LEPR: variants seen among roughly 807,000 people sequenced by gnomAD.
The protein encoded by LEPR is leptin receptor.
Under a neutral mutation model 114.7 loss-of-function variants are expected in LEPR, and 56 were observed. The observed-to-expected ratio is 0.49, with a 90% CI of 0.39 to 0.61. The LOEUF (loss-of-function observed/expected upper bound fraction) is 0.61, where lower values mean the gene tolerates loss of function less well. Ranked by LOEUF, LEPR falls within the 20% of genes least tolerant of loss-of-function variation. The pLI is 0.00. For missense variants in LEPR, 1,202 were observed against 1,352.9 expected, an observed-to-expected ratio of 0.89 and a Z score of 1.75; for synonymous variants, 443 against 461.4, an observed-to-expected ratio of 0.96 and a Z score of 0.51.
At chr1:65,455,162 G>A (rs1646850534) in intron 2 of LEPR, among the ~76,000 whole-genome samples, 1 of 152,070 alleles carries the variant, frequency 6.6e-6, no homozygotes, top group Admixed American at 6.5e-5. Context: ...CTCTGTATTG[G>A]TTATTCTAGT....
At chr1:65,631,255 A>G (rs891084097) in intron 19 of LEPR, among the ~76,000 whole-genome samples, 6 of 152,134 alleles carry the variant, frequency 3.9e-5, no homozygotes, top group African/African-American at 1.4e-4. Flanking sequence ...AGGCTCTTCC[A>G]TGTTCAGCAG....
chr1:65,547,878 T>A (rs565990396), intron 2 of LEPR, among the ~76,000 whole-genome samples: 1 of 129,610 alleles, frequency 7.7e-6, no homozygotes, highest in East Asian at 1.9e-4. Context: ...CTTGCTTTTC[T>A]AGTTCTTTTA....
Position 65,601,613 on chromosome 1 carries a change from AC to A in LEPR, c.1218del (p.Tyr407MetfsTer21). 6.2e-7 allele frequency: 1 copy of A among 1,613,764 alleles called. No individual in the cohort carries two copies. Among genetic ancestry groups the A allele is most frequent in the Non-Finnish European group, 8.5e-7 (1 of 1,179,764 alleles). On this transcript the variant is annotated frameshift_variant, in exon 9 of 20. Transcript: ENST00000349533. LOFTEE classifies it high-confidence loss of function. ...LNETKPRGKF[T>X]YDAVYCCNEH... ...TGAAACCAAACCTCGAGGAAAGTTTACCTATGATGCAGTGTACTGCTGCAAT... is the reference window on the plus strand; with the variant it reads ...TGAAACCAAACCTCGAGGAAAGTTTACTATGATGCAGTGTACTGCTGCAAT...
At chr1:65,607,883 A>G (rs901846105) in intron 11 of LEPR, among the ~76,000 whole-genome samples, 14 of 152,186 alleles carry the variant, frequency 9.2e-5, no homozygotes, top group African/African-American at 3.4e-4. Flanking sequence ...AGGGAAGATA[A>G]CCTTTTTCTT....
At chr1:65,429,858 A>G in intron 2 of LEPR, 1 of 1,459,478 alleles carries the variant, frequency 6.9e-7, no homozygotes, top group Non-Finnish European at 9.2e-7. Context: ...GGTCCAACTG[A>G]CAGCGTTTAC....
chr1:65,611,894 C>T (rs1570814240), intron 14 of LEPR, among the ~76,000 whole-genome samples: 1 of 152,226 alleles, frequency 6.6e-6, no homozygotes, highest in East Asian at 1.9e-4. Flanking sequence ...CTGCAAGTGG[C>T]CAGTGGCTAT....
At chr1:65,467,013 C>T (rs1233619343) in intron 2 of LEPR, among the ~76,000 whole-genome samples, 1 of 152,148 alleles carries the variant, frequency 6.6e-6, no homozygotes, top group African/African-American at 2.4e-5. Flanking sequence ...TATTACCGAC[C>T]TTCTGAAGCC....
rs544264844 is a variant in LEPR at position 65,582,050 on chromosome 1, C to T, written c.494+9601C>T. On this transcript the variant is annotated intron_variant, in intron 5 of 19. Coordinates refer to ENST00000349533, the MANE Select transcript of LEPR (RefSeq NM_002303.6). Reference sequence around the variant, plus strand: ...CTTCACCATGCTTCTCCAAATCCTTCTAGCCTCTGTCTGTCCGCTGGTTCC... The same window carrying T: ...CTTCACCATGCTTCTCCAAATCCTTTTAGCCTCTGTCTGTCCGCTGGTTCC... Among the ~76,000 whole-genome samples the T allele has an allele frequency of 4.9e-4, 75 of 152,344 alleles. 2 individuals are homozygous for T. The highest frequency in any genetic ancestry group is 3.4e-3 in the Middle Eastern group (1 of 294).
In LEPR at chr1:65,633,102, G is replaced by T; in HGVS notation, c.2674-3089G>T. ...TGAAATCTTTTATCTTTTTCTTTGT[G>T]AGTGATTTTTTATTTTGCTTTCTTA... On this transcript the variant is annotated intron_variant, in intron 19 of 19. Coordinates refer to ENST00000349533, the MANE Select transcript of LEPR (RefSeq NM_002303.6). The surrounding 1 kb of genome is among the most constrained non-coding windows in gnomAD (Gnocchi z 4.1). 2 of 1,231,388 alleles carry T rather than the reference G, an allele frequency of 1.6e-6. No homozygotes were observed. The highest frequency in any genetic ancestry group is 1.2e-6 in the Non-Finnish European group (1 of 841,702). The allele number at this position is 1,231,388 out of a possible 1,614,324, so 76.3% of individuals were successfully genotyped here. A position where few individuals can be genotyped will look rare whatever the true frequency, so the allele number is the denominator to read the frequency against.
chr1:65,640,500 T>C lies in LEPR; in HGVS notation c.*3485T>C, dbSNP rs1030679692. 4.6e-5 allele frequency: 7 copies of C among 152,174 alleles called. No homozygotes were observed. The highest frequency in any genetic ancestry group is 7.2e-5 in the African/African-American group (3 of 41,438). The allele number at this position is 152,174 out of a possible 1,614,324, so 9.4% of individuals were successfully genotyped here. Reference sequence around the variant, plus strand: ...TCTACTATGACTGAAAGAAGCAGCATTCAAGAAAAAATTTAAACATAGTTA... The same window carrying C: ...TCTACTATGACTGAAAGAAGCAGCACTCAAGAAAAAATTTAAACATAGTTA... On this transcript the variant is annotated 3_prime_UTR_variant, in exon 20 of 20. Coordinates refer to ENST00000349533, the MANE Select transcript of LEPR (RefSeq NM_002303.6).
At chr1:65,519,174 G>A (rs1248735686) in intron 2 of LEPR, among the ~76,000 whole-genome samples, 1 of 130,114 alleles carries the variant, frequency 7.7e-6, no homozygotes, top group Non-Finnish European at 1.6e-5. Flanking sequence ...CCTTCCTTCC[G>A]GGTCTCATTT....
rs1658739421 is a variant in LEPR at position 65,636,973 on chromosome 1, T to C, written c.3456T>C (p.Thr1152=). ...MPQFQTCSTQ[T]HKIMENKMCD... Reference sequence around the variant, plus strand: ...AATTCCAAACTTGTTCTACTCAGACTCATAAGATCATGGAAAACAAGATGT... The same window carrying C: ...AATTCCAAACTTGTTCTACTCAGACCCATAAGATCATGGAAAACAAGATGT... Residue 1152 remains threonine (T), a synonymous_variant, in exon 20 of 20, where the codon ACT becomes ACC. Transcript: ENST00000349533. 6.2e-7 allele frequency: 1 copy of C among 1,613,394 alleles called. No homozygotes were observed. Among genetic ancestry groups the C allele is most frequent in the African/African-American group, 1.3e-5 (1 of 75,002 alleles).
At chr1:65,522,108 A>G (rs1167196912) in intron 2 of LEPR, among the ~76,000 whole-genome samples, 1 of 152,204 alleles carries the variant, frequency 6.6e-6, no homozygotes, top group African/African-American at 2.4e-5. Flanking sequence ...AAAGACATTT[A>G]GGGTATCATG....
chr1:65,422,067 A>G (rs1181945664), intron 1 of LEPR, among the ~76,000 whole-genome samples: 3 of 152,158 alleles, frequency 2.0e-5, no homozygotes, highest in African/African-American at 7.2e-5. Context: ...GGGAGAACAG[A>G]TGGTGGGTTG....
intron 15 of LEPR, among the ~76,000 whole-genome samples, chr1:65,616,944 A>C (rs935691576): frequency 2.0e-4 from 30 of 152,134 alleles, no homozygotes; most frequent in African/African-American, 7.2e-4. Flanking sequence ...CTCTTCTTTA[A>C]ATCTCAGAGT....
chr1:65,589,963 T>C (rs879671257), intron 5 of LEPR, among the ~76,000 whole-genome samples: 1 of 152,022 alleles, frequency 6.6e-6, no homozygotes, highest in Non-Finnish European at 1.5e-5. Context: ...TAAAATAGCC[T>C]GTTGAGATTG....
At chr1:65,494,906 T>A (rs1648073267) in intron 2 of LEPR, among the ~76,000 whole-genome samples, 1 of 152,070 alleles carries the variant, frequency 6.6e-6, no homozygotes, top group African/African-American at 2.4e-5. Context: ...AAGATAATTA[T>A]CTCAAAATGA....
intron 5 of LEPR, among the ~76,000 whole-genome samples, chr1:65,580,271 C>CT (rs1176085168): frequency 6.6e-6 from 1 of 152,126 alleles, no homozygotes; most frequent in Non-Finnish European, 1.5e-5. Context: ...ATAGGAAGAG[C>CT]TGGTCAATAT....
chr1:65,472,796 A>G (rs367785351), intron 2 of LEPR, among the ~76,000 whole-genome samples: 9 of 152,160 alleles, frequency 5.9e-5, no homozygotes, highest in Admixed American at 1.3e-4. Context: ...GCTTTGCTCA[A>G]TGGGGAATGG....
Sources: allele counts gnomAD v4.1 joint callset (sites outside exome capture counted in the v4.1 genomes callset), GRCh38; gene constraint gnomAD v4.1.1; non-coding constraint Gnocchi (gnomAD v3.1); transcripts MANE v1.5; gene names NCBI Gene and HGNC (gene_info 2026-07-23, HGNC 2026-07-21).